PTPRU: variants seen among roughly 807,000 people sequenced by gnomAD.
The protein encoded by PTPRU is protein tyrosine phosphatase receptor type U, also known as receptor-type tyrosine-protein phosphatase U.
Under a neutral mutation model 166.3 loss-of-function variants are expected in PTPRU, and 69 were observed. The ratio of observed to expected loss-of-function variants is 0.41; its 90% CI spans 0.34 to 0.51. The LOEUF (loss-of-function observed/expected upper bound fraction) is 0.51. Ranked by LOEUF, PTPRU falls within the 20% of genes least tolerant of loss-of-function variation. The pLI is 0.09. For synonymous variants in PTPRU, 793 were observed against 814.0 expected (o/e 0.97, Z 0.44); for missense variants, 1,657 against 2,013.7 (o/e 0.82, Z 3.39).
chr1:29,238,092 G>A lies in PTPRU; in HGVS notation c.73+1375G>A, dbSNP rs889678610. On this transcript the variant is annotated intron_variant, in intron 1 of 29. Transcript: ENST00000373779. This position sits in a 1 kb window ranked among gnomAD's most constrained non-coding sequence, Gnocchi z 6.1. The stretch of plus-strand genomic sequence containing the variant: ...TGCTTGAGTGTGAGCGTGAGTGTGA[G>A]CGTGTGGCTCCGCGCTTGTCTGCTG... Among the ~76,000 whole-genome samples the A allele has an allele frequency of 6.6e-6, 1 of 151,934 alleles. No individual in the cohort carries two copies. Among genetic ancestry groups the A allele is most frequent in the Non-Finnish European group, 1.5e-5 (1 of 67,948 alleles).
Position 29,275,539 on chromosome 1 carries a change from G to A in PTPRU, c.1236G>A (p.Thr412=), listed in dbSNP as rs745659997. The stretch of plus-strand genomic sequence containing the variant: ...GGGAACCACTGGGCTACAACGTGAC[G>A]CGTTGCCACACCTATACTGTGTCGC... ...LQWEPLGYNV[T]RCHTYTVSLC... The change falls in exon 8 of 30, where the codon ACG becomes ACA. Residue 412 remains threonine (T), a synonymous_variant. Coordinates refer to ENST00000373779, the MANE Select transcript of PTPRU (RefSeq NM_133178.4). 26 of 1,614,202 alleles carry A rather than the reference G, an allele frequency of 1.6e-5. No homozygotes were observed. The South Asian group carries it at 2.0e-4, about 12-fold the overall frequency.
rs931150960 is a variant in PTPRU, at chr1:29,303,920, T to C, written c.2542T>C (p.Cys848Arg). ...CCTGGGGGGCTCCCCGAGGCGTCCC[T>C]GTGGCCGGAAGGGCTCCCCATACCA... ...SLLGGSPRRP[C>R]GRKGSPYHTG... The change falls in exon 16 of 30, where the codon TGT becomes CGT. Residue 848 changes from cysteine (C) to arginine (R), a missense_variant. By Grantham distance (180) the Cys-to-Arg change is radical. This residue lies in a region of PTPRU where 1,190 missense variants were observed against 1,477.4 expected (regional missense o/e 0.81). Transcript: ENST00000373779. 1.2e-6 allele frequency: 2 copies of C among 1,613,820 alleles called. No homozygotes were observed. Among genetic ancestry groups the C allele is most frequent in the African/African-American group, 2.7e-5 (2 of 74,952 alleles).
chr1:29,275,802 A>G lies in PTPRU; in HGVS notation c.1453+46A>G, dbSNP rs141598640. The G allele has an allele frequency of 8.5e-4, 1,338 of 1,582,614 alleles. 11 individuals are homozygous for G. The African/African-American group carries it at 0.013, about 15-fold the overall frequency. ...TCCCGGGGCCCTGTGTACCTCCCAC[A>G]GATACGCCATGTCTGAGACTGAAAT... is the stretch of plus-strand genomic sequence containing the variant. On this transcript the variant is annotated intron_variant, in intron 8 of 29. Coordinates refer to ENST00000373779, the MANE Select transcript of PTPRU (RefSeq NM_133178.4).
At chr1:29,284,056 C>T in intron 13 of PTPRU, 80 bp downstream of exon 13, 1 of 1,561,332 alleles carries the variant, frequency 6.4e-7, no homozygotes. Flanking sequence ...TCCTGAGGAC[C>T]TACGGCTGTG....
At chr1:29,261,915 C>T (rs1380846302) in intron 7 of PTPRU, among the ~76,000 whole-genome samples, 1 of 152,182 alleles carries the variant, frequency 6.6e-6, no homozygotes, top group African/African-American at 2.4e-5. Context: ...ATTCTCTGTG[C>T]AAGTCACCCT....
chr1:29,284,044 G>C (rs1229173441), intron 13 of PTPRU, 68 bp downstream of exon 13: 4 of 1,568,956 alleles, frequency 2.5e-6, no homozygotes, highest in Admixed American at 3.3e-5. Context: ...TGGGGAGGTG[G>C]ATCCTGAGGA....
rs2151952557 is a variant in PTPRU at position 29,279,235 on chromosome 1, G to A, written c.1563+114G>A. On this transcript the variant is annotated intron_variant, in intron 9 of 29. Coordinates refer to ENST00000373779, the MANE Select transcript of PTPRU (RefSeq NM_133178.4). This position sits in a 1 kb window ranked among gnomAD's most constrained non-coding sequence, Gnocchi z 5.2. ...TGGGAGGACAGATGTGATTGTCATAGTTTCTTCAACTATGGCCAGGTCTGT... is the reference window on the plus strand; with the variant it reads ...TGGGAGGACAGATGTGATTGTCATAATTTCTTCAACTATGGCCAGGTCTGT... 2 of 1,099,570 alleles carry A rather than the reference G, an allele frequency of 1.8e-6. No individual in the cohort carries two copies. The highest frequency in any genetic ancestry group is 3.0e-5 in the South Asian group (2 of 67,390). The allele number at this position is 1,099,570 out of a possible 1,614,324, so 68.1% of individuals were successfully genotyped here.
chr1:29,236,764 G>T lies in PTPRU; in HGVS notation c.73+47G>T. On this transcript the variant is annotated intron_variant, in intron 1 of 29. Coordinates refer to ENST00000373779, the MANE Select transcript of PTPRU (RefSeq NM_133178.4). The surrounding 1 kb of genome is among the most constrained non-coding windows in gnomAD (Gnocchi z 4.6). ...CGAGCCTGCCCCGCCGAGCCTCGGGGCCCGTGGCGTAGCTCGGAAGAAAGT... is the reference window on the plus strand; with the variant it reads ...CGAGCCTGCCCCGCCGAGCCTCGGGTCCCGTGGCGTAGCTCGGAAGAAAGT... 1 of 1,375,976 alleles carries T rather than the reference G, an allele frequency of 7.3e-7. No homozygotes were observed. Among genetic ancestry groups the T allele is most frequent in the South Asian group, 1.6e-5 (1 of 62,932 alleles). 85.2% of individuals were successfully genotyped at this position (1,375,976 alleles called of 1,614,324 possible).
At chr1:29,307,084 T>G in intron 18 of PTPRU, 2 of 1,606,588 alleles carry the variant, frequency 1.2e-6, no homozygotes, top group Non-Finnish European at 1.7e-6. Context: ...TGGCCTAATA[T>G]CTGTCTCTTT....
rs978854179 is a variant in PTPRU at position 29,284,026 on chromosome 1, C to A, written c.2179+50C>A. Reference sequence around the variant, plus strand: ...CTTTCAGCGGCAGGTTTCTCACCTGCCCAGCGCTGGGGAGGTGGATCCTGA... The same window carrying A: ...CTTTCAGCGGCAGGTTTCTCACCTGACCAGCGCTGGGGAGGTGGATCCTGA... On this transcript the variant is annotated intron_variant, in intron 13 of 29. Transcript: ENST00000373779. The A allele has an allele frequency of 1.0e-5, 16 of 1,606,870 alleles. No homozygotes were observed. In the Middle Eastern group the frequency reaches 6.3e-4, roughly 63 times the overall value.
chr1:29,265,130 A>G (rs2151947090), intron 7 of PTPRU, among the ~76,000 whole-genome samples: 1 of 152,318 alleles, frequency 6.6e-6, no homozygotes, highest in East Asian at 1.9e-4. Context: ...CAAGAGTACA[A>G]TCAATGAGTC....
chr1:29,255,307 G>A lies in PTPRU; in HGVS notation c.106G>A (p.Ala36Thr), dbSNP rs773778550. 4 of 1,613,984 alleles carry A rather than the reference G, an allele frequency of 2.5e-6. No individual in the cohort carries two copies. The Admixed American group carries it at 5.0e-5, about 20-fold the overall frequency. The stretch of plus-strand genomic sequence containing the variant: ...CACCTTCGAGGAGGCAAGTGACCCA[G>A]CAGTGCCCTGCGAGTACAGCCAGGC... ...GCTFEEASDP[A>T]VPCEYSQAQY... is the part of the protein sequence containing the mutation. Residue 36 changes from alanine (A) to threonine (T), a missense_variant, in exon 2 of 30, where the codon GCA becomes ACA. Around this residue, in one of 3 missense-constraint regions of PTPRU, gnomAD observed 453 missense variants for 496.9 expected, o/e 0.91. Coordinates refer to ENST00000373779, the MANE Select transcript of PTPRU (RefSeq NM_133178.4).
chr1:29,262,036 CTTGT>C (rs756244330), intron 7 of PTPRU, among the ~76,000 whole-genome samples: 3 of 152,106 alleles, frequency 2.0e-5, no homozygotes, highest in Non-Finnish European at 2.9e-5. Flanking sequence ...TTTGCTTGTA[CTTGT>C]TTGTGTGTGT....
Position 29,291,786 on chromosome 1 carries a change from T to G in PTPRU, c.2319-83T>G. 1 of 1,466,846 alleles carries G rather than the reference T, an allele frequency of 6.8e-7. No homozygotes were observed. The highest frequency in any genetic ancestry group is 9.3e-7 in the Non-Finnish European group (1 of 1,075,712). The allele number at this position is 1,466,846 out of a possible 1,614,324, so 90.9% of individuals were successfully genotyped here. A position where few individuals can be genotyped will look rare whatever the true frequency, so the allele number is the denominator to read the frequency against. On this transcript the variant is annotated intron_variant, in intron 14 of 29. Coordinates refer to ENST00000373779, the MANE Select transcript of PTPRU (RefSeq NM_133178.4). The surrounding 1 kb of genome is among the most constrained non-coding windows in gnomAD (Gnocchi z 4.1). ...GCTGGCTCCTGGCCTTGAGGTCCCC[T>G]TACTCCAGGGCCTCCCCAGCCACCT... is the stretch of plus-strand genomic sequence containing the variant.
At chr1:29,286,283 A>G (rs935438786) in intron 14 of PTPRU, among the ~76,000 whole-genome samples, 2 of 152,172 alleles carry the variant, frequency 1.3e-5, no homozygotes, top group African/African-American at 4.8e-5. Context: ...AGGGATTACT[A>G]TGTGCCAGGA....
intron 15 of PTPRU, among the ~76,000 whole-genome samples, chr1:29,296,732 G>A (rs1686900159): frequency 1.3e-5 from 2 of 150,344 alleles, no homozygotes; most frequent in Non-Finnish European, 3.0e-5. Context: ...ATGTTGTCCA[G>A]GTTGGTCTTG....
chr1:29,252,841 C>T (rs930646248), intron 1 of PTPRU, among the ~76,000 whole-genome samples: 2 of 152,200 alleles, frequency 1.3e-5, no homozygotes, highest in Non-Finnish European at 2.9e-5. Context: ...GGCTTCTCCC[C>T]ACCACCAAGC....
chr1:29,284,985 G>A, intron 14 of PTPRU, 116 bp downstream of exon 14: 1 of 1,368,286 alleles, frequency 7.3e-7, no homozygotes, highest in Non-Finnish European at 9.8e-7. Flanking sequence ...TGTGTGGAGG[G>A]CTGCCAGCCT....
At position 29,322,640 on chromosome 1, in the gene PTPRU, G is replaced by C. The variant is rs550883737; in HGVS notation, c.3829-731G>C. 3.2e-4 allele frequency among the ~76,000 whole-genome samples: 48 copies of C among 152,264 alleles called. No individual in the cohort carries two copies. In the East Asian group the frequency reaches 8.3e-3, roughly 26 times the overall value. On this transcript the variant is annotated intron_variant, in intron 26 of 29. Transcript: ENST00000373779. ...TGGTCAGAGGGGATTGATGAGCACG[G>C]TGTCTTTTTGGGAGAGGATGGGAGT... is the stretch of plus-strand genomic sequence containing the variant.
Sources: allele counts gnomAD v4.1 joint callset (sites outside exome capture counted in the v4.1 genomes callset), GRCh38; gene constraint gnomAD v4.1.1; regional missense constraint gnomAD v4.1.1; non-coding constraint Gnocchi (gnomAD v3.1); transcripts MANE v1.5; gene names NCBI Gene and HGNC (gene_info 2026-07-23, HGNC 2026-07-21).